The following SORCS3 variants were observed in gnomAD, a reference collection of about 807,000 sequenced individuals.
SORCS3 encodes sortilin related VPS10 domain containing receptor 3, also known as VPS10 domain-containing receptor SorCS3.
SORCS3 carries 57 observed loss-of-function variants against 146.3 expected under a neutral mutation model. The ratio of observed to expected loss-of-function variants is 0.39; its 90% CI spans 0.31 to 0.49. The LOEUF (loss-of-function observed/expected upper bound fraction) is 0.49, where lower values mean the gene tolerates loss of function less well. Ranked by LOEUF, SORCS3 falls within the 20% of genes least tolerant of loss-of-function variation. The pLI is 0.92. For synonymous variants in SORCS3, 653 were observed against 618.5 expected, an observed-to-expected ratio of 1.06 and a Z score of -0.83; for missense variants, 1,341 against 1,575.5, an observed-to-expected ratio of 0.85 and a Z score of 2.52.
At chr10:104,774,410 G>A (rs1404268060) in intron 1 of SORCS3, among the ~76,000 whole-genome samples, 3 of 152,148 alleles carry the variant, frequency 2.0e-5, no homozygotes, top group East Asian at 1.9e-4. Context: ...AACCTGTGTC[G>A]ACGCTGCCAT....
At chr10:104,714,395 T>A (rs2016453703) in intron 1 of SORCS3, among the ~76,000 whole-genome samples, 1 of 152,198 alleles carries the variant, frequency 6.6e-6, no homozygotes, top group South Asian at 2.1e-4. Context: ...CACTTAATGC[T>A]ATATTTTTCC....
Position 105,141,816 on chromosome 10 carries a change from G to A in SORCS3, c.1302+2330G>A, listed in dbSNP as rs1487868097. Among the ~76,000 whole-genome samples the A allele has an allele frequency of 2.0e-5, 3 of 152,190 alleles. No individual in the cohort carries two copies. The East Asian group carries it at 5.8e-4, about 29-fold the overall frequency. ...CAGGTAACCTAGGGAAAAGACAGGTGAGCTTATGAGCAGAGACCCTGAGCT... is the reference window on the plus strand; with the variant it reads ...CAGGTAACCTAGGGAAAAGACAGGTAAGCTTATGAGCAGAGACCCTGAGCT... On this transcript the variant is annotated intron_variant, in intron 8 of 26. Coordinates refer to ENST00000369701, the MANE Select transcript of SORCS3 (RefSeq NM_014978.3).
At chr10:104,642,962 C>G (rs967656639) in intron 1 of SORCS3, among the ~76,000 whole-genome samples, 3 of 152,260 alleles carry the variant, frequency 2.0e-5, no homozygotes, top group Admixed American at 2.0e-4. Context: ...GAGGGGCTCC[C>G]CCTACCTCGC....
intron 2 of SORCS3, among the ~76,000 whole-genome samples, chr10:104,901,122 T>C (rs926939441): frequency 7.9e-5 from 12 of 152,210 alleles, no homozygotes; most frequent in African/African-American, 2.9e-4. Flanking sequence ...GTCTTCTTCA[T>C]TGACATTGTC....
chr10:104,715,109 C>G (rs1263747696), intron 1 of SORCS3, among the ~76,000 whole-genome samples: 4 of 152,138 alleles, frequency 2.6e-5, no homozygotes, highest in Non-Finnish European at 5.9e-5. Context: ...TTTTGTGTGT[C>G]AACTTGACTG....
intron 1 of SORCS3, among the ~76,000 whole-genome samples, chr10:104,757,032 C>T (rs1320859563): frequency 6.6e-6 from 1 of 151,252 alleles, no homozygotes; most frequent in Admixed American, 6.6e-5. Context: ...TAACTCACTC[C>T]AGCATTGAAC....
At chr10:104,709,597 T>C (rs2016388866) in intron 1 of SORCS3, among the ~76,000 whole-genome samples, 1 of 152,200 alleles carries the variant, frequency 6.6e-6, no homozygotes, top group Admixed American at 6.5e-5. Flanking sequence ...ATTAATCTTA[T>C]GATGTCCATT....
intron 1 of SORCS3, among the ~76,000 whole-genome samples, chr10:104,826,841 A>G (rs879319498): frequency 9.2e-5 from 14 of 152,310 alleles, no homozygotes; most frequent in Middle Eastern, 3.4e-3. Context: ...ATTGAAGTCA[A>G]TCTTCTCAAG....
intron 1 of SORCS3, among the ~76,000 whole-genome samples, chr10:104,799,769 G>T (rs150174784): frequency 0.02 from 3,037 of 151,824 alleles, 106 homozygotes; most frequent in African/African-American, 0.07. Flanking sequence ...TCTGCCTCCC[G>T]GGTTCACGCT....
intron 9 of SORCS3, among the ~76,000 whole-genome samples, chr10:105,149,112 C>T (rs975755243): frequency 2.6e-5 from 4 of 152,118 alleles, no homozygotes; most frequent in Non-Finnish European, 4.4e-5. Flanking sequence ...CTTTCCCAGC[C>T]ATGCGGAACT....
intron 2 of SORCS3, among the ~76,000 whole-genome samples, chr10:104,865,699 C>T (rs1342747355): frequency 1.3e-5 from 2 of 152,122 alleles, no homozygotes; most frequent in African/African-American, 2.4e-5. Flanking sequence ...GGGAGAAACC[C>T]GTGAGTCTGA....
intron 1 of SORCS3, among the ~76,000 whole-genome samples, chr10:104,685,948 T>G (rs1488342342): frequency 2.6e-5 from 4 of 152,150 alleles, no homozygotes; most frequent in African/African-American, 4.8e-5. Flanking sequence ...TCCTTCGACT[T>G]TGGGATTGCC....
chr10:104,934,520 T>C (rs2019240725), intron 3 of SORCS3, among the ~76,000 whole-genome samples: 1 of 152,198 alleles, frequency 6.6e-6, no homozygotes, highest in African/African-American at 2.4e-5. Flanking sequence ...ATTTTAAAAG[T>C]TGTGTATTTA....
At chr10:104,917,391 G>A (rs10786836) in intron 3 of SORCS3, among the ~76,000 whole-genome samples, 74,963 of 152,004 alleles carry the variant, frequency 0.49, 22,210 homozygotes, top group African/African-American at 0.84. Flanking sequence ...CATTGTATGT[G>A]TTTATATTGT....
rs369104603 is a variant in SORCS3, at chr10:105,178,099, G to C, written c.1935G>C (p.Lys645Asn). 2.4e-5 allele frequency: 39 copies of C among 1,613,668 alleles called. No homozygotes were observed. Among genetic ancestry groups the C allele is most frequent in the Middle Eastern group, 1.7e-4 (1 of 6,058 alleles). ...TTGATGAGGGCCACTCTTGGGACAA[G>C]TATGGTTTCACTTCGGTTCCTCTCT... ...VSFDEGHSWD[K>N]YGFTSVPLFV... The change falls in exon 14 of 27, where the codon AAG becomes AAC. Residue 645 changes from lysine (K) to asparagine (N), a missense_variant. Coordinates refer to ENST00000369701, the MANE Select transcript of SORCS3 (RefSeq NM_014978.3).
chr10:104,984,607 A>G (rs1007813841), intron 4 of SORCS3, among the ~76,000 whole-genome samples: 5 of 152,198 alleles, frequency 3.3e-5, no homozygotes, highest in Non-Finnish European at 5.9e-5. Context: ...ATTATGGTAT[A>G]TACATTTACT....
chr10:104,876,754 T>C lies in SORCS3; in HGVS notation c.695+33895T>C, dbSNP rs866791377. ...TCCTTCCTTCCTTCCTTCCTTTCTTTCTTTCTCTTCCTTCCTTCCTTTCCT... is the reference window on the plus strand; with the variant it reads ...TCCTTCCTTCCTTCCTTCCTTTCTTCCTTTCTCTTCCTTCCTTCCTTTCCT... On this transcript the variant is annotated intron_variant, in intron 2 of 26. Coordinates refer to ENST00000369701, the MANE Select transcript of SORCS3 (RefSeq NM_014978.3). 0.018 allele frequency among the ~76,000 whole-genome samples: 893 copies of C among 50,476 alleles called. 13 individuals carry two copies. In the East Asian group the frequency reaches 0.21, roughly 12 times the overall value. 33.1% of individuals were successfully genotyped at this position (50,476 alleles called of 152,430 possible). A position where few individuals can be genotyped will look rare whatever the true frequency, so the allele number is the denominator to read the frequency against.
intron 20 of SORCS3, among the ~76,000 whole-genome samples, chr10:105,242,373 CATATATTTATAT>C (rs2056830284): frequency 1.2e-5 from 1 of 83,734 alleles, no homozygotes; most frequent in Non-Finnish European, 2.3e-5. Context: ...TATATTTATA[CATATATTTATAT>C]ATATTTATAT....
At chr10:104,793,681 A>G (rs2017518853) in intron 1 of SORCS3, among the ~76,000 whole-genome samples, 1 of 152,230 alleles carries the variant, frequency 6.6e-6, no homozygotes, top group South Asian at 2.1e-4. Context: ...ATGAACCAGG[A>G]CAGTGACACA....
Sources: allele counts gnomAD v4.1 joint callset (sites outside exome capture counted in the v4.1 genomes callset), GRCh38; gene constraint gnomAD v4.1.1; transcripts MANE v1.5; gene names NCBI Gene and HGNC (gene_info 2026-07-23, HGNC 2026-07-21).